The following HNRNPUL1 variants were observed in gnomAD, a reference collection of about 807,000 sequenced individuals.
HNRNPUL1 encodes heterogeneous nuclear ribonucleoprotein U like 1, also known as heterogeneous nuclear ribonucleoprotein U-like protein 1.
Under a neutral mutation model 108.5 loss-of-function variants are expected in HNRNPUL1, and 14 were observed. The ratio of observed to expected loss-of-function variants is 0.13; its 90% CI spans 0.09 to 0.20. The LOEUF is 0.20. Among genes scored for constraint, HNRNPUL1 ranks in the 10% least tolerant of loss-of-function variants. The pLI, the probability that HNRNPUL1 is intolerant of heterozygous loss-of-function variation, is 1.00. For missense variants in HNRNPUL1, 804 were observed against 1,168.3 expected (o/e 0.69, Z 4.55); for synonymous variants, 422 against 445.2 (o/e 0.95, Z 0.66).
intron 13 of HNRNPUL1, 143 bp downstream of exon 13, chr19:41,304,404 C>A (rs911484344): frequency 7.1e-7 from 1 of 1,416,898 alleles, no homozygotes; most frequent in Non-Finnish European, 9.3e-7. Context: ...GCCCTTCTTT[C>A]TCCCTGGCCG....
chr19:41,279,265 G>T (rs939366090), intron 6 of HNRNPUL1, 89 bp downstream of exon 6: 4 of 883,030 alleles, frequency 4.5e-6, no homozygotes, highest in Non-Finnish European at 7.4e-6. Flanking sequence ...CTTTTCCAGC[G>T]TCAGACTTAG....
chr19:41,264,582 G>T lies in HNRNPUL1; in HGVS notation c.79G>T (p.Ala27Ser). Residue 27 changes from alanine (A) to serine (S), a missense_variant, in exon 1 of 15, where the codon GCC becomes TCC. Transcript: ENST00000392006. ...CGGCCTGGACACTCGAGGCCTCAAG[G>T]CCGAGCTTGCTGAGCGGCTGCAGGC... Reference protein sequence around the residue: ...RRGLDTRGLKAELAERLQAAL... With the variant: ...RRGLDTRGLKSELAERLQAAL... 1.3e-6 allele frequency: 2 copies of T among 1,569,838 alleles called. No individual in the cohort carries two copies. The highest frequency in any genetic ancestry group is 2.3e-5 in the South Asian group (2 of 87,086).
chr19:41,267,981 T>C (rs1048738129), intron 1 of HNRNPUL1: 2 of 373,016 alleles, frequency 5.4e-6, no homozygotes, highest in African/African-American at 2.1e-5. Flanking sequence ...CACAATCATA[T>C]TAAATTTTTG....
Position 41,278,814 on chromosome 19 carries a change from C to T in HNRNPUL1, c.787-263C>T, listed in dbSNP as rs7255432. On this transcript the variant is annotated intron_variant, in intron 5 of 14. Transcript: ENST00000392006. ...GACACTGTAACAGTTTATCTTTCTA[C>T]TAGATGTTACAAGAGTCTCTTAAAC... Among the ~76,000 whole-genome samples the T allele has an allele frequency of 6.0e-3, 917 of 152,212 alleles. 7 individuals carry two copies. Among genetic ancestry groups the T allele is most frequent in the Middle Eastern group, 0.017 (5 of 294 alleles).
At chr19:41,268,103 T>C (rs2034966957) in intron 1 of HNRNPUL1, 120 bp from the exon 2 acceptor site, 3 of 931,764 alleles carry the variant, frequency 3.2e-6, no homozygotes, top group Non-Finnish European at 4.8e-6. Flanking sequence ...GAATAGTTAA[T>C]ATTATTATTC....
rs772541324 is a variant in HNRNPUL1, at chr19:41,304,182, C to T, written c.2183C>T (p.Thr728Ile). The part of the protein sequence containing the change: ...SPARNPPGAS[T>I]YNKNSNIPGS... ...GCTCGGAACCCCCCAGGGGCCAGCACCTACAATAAGAACAGCAACATCCCT... is the reference window on the plus strand; with the variant it reads ...GCTCGGAACCCCCCAGGGGCCAGCATCTACAATAAGAACAGCAACATCCCT... Residue 728 changes from threonine (T) to isoleucine (I), a missense_variant, in exon 13 of 15, where the codon ACC becomes ATC. Around this residue, in one of 4 missense-constraint regions of HNRNPUL1, gnomAD observed 294 missense variants for 388.3 expected, o/e 0.76. Transcript: ENST00000392006. 22 of 1,614,042 alleles carry T rather than the reference C, an allele frequency of 1.4e-5. No individual in the cohort carries two copies. The highest frequency in any genetic ancestry group is 1.6e-5 in the Non-Finnish European group (19 of 1,180,030).
chr19:41,273,237 G>T (rs2035347488), intron 3 of HNRNPUL1, among the ~76,000 whole-genome samples: 1 of 152,108 alleles, frequency 6.6e-6, no homozygotes, highest in South Asian at 2.1e-4. Context: ...GTTAGCCCTG[G>T]CCTGGCGAGG....
intron 7 of HNRNPUL1, among the ~76,000 whole-genome samples, chr19:41,282,265 C>G (rs1249659877): frequency 6.6e-6 from 1 of 152,158 alleles, no homozygotes; most frequent in Non-Finnish European, 1.5e-5. Context: ...TCACCACAAT[C>G]TCCGCCTCCT....
chr19:41,268,173 G>T, intron 1 of HNRNPUL1, 50 bp from the exon 2 acceptor site: 2 of 1,600,232 alleles, frequency 1.2e-6, no homozygotes, highest in Non-Finnish European at 1.7e-6. Context: ...TTGGTCCAGG[G>T]TTCTTCATGA....
chr19:41,266,022 A>G (rs989984069), intron 1 of HNRNPUL1, among the ~76,000 whole-genome samples: 1 of 152,168 alleles, frequency 6.6e-6, no homozygotes, highest in Non-Finnish European at 1.5e-5. Flanking sequence ...CTCGGGGAGC[A>G]GCACGGAACT....
intron 7 of HNRNPUL1, among the ~76,000 whole-genome samples, chr19:41,283,121 G>T (rs2036001814): frequency 6.6e-6 from 1 of 152,160 alleles, no homozygotes. Context: ...TAAAATATAA[G>T]TAGGTACTAG....
intron 7 of HNRNPUL1, among the ~76,000 whole-genome samples, chr19:41,289,756 C>T (rs1214845655): frequency 8.3e-5 from 12 of 145,224 alleles, no homozygotes; most frequent in Non-Finnish European, 1.0e-4. Context: ...TGCTGTTGCC[C>T]GGCTGGAGTG....
rs1399166216 is a variant in HNRNPUL1 at position 41,304,110 on chromosome 19, C to T, written c.2111C>T (p.Pro704Leu). 2.5e-6 allele frequency: 4 copies of T among 1,613,370 alleles called. No individual in the cohort carries two copies. The East Asian group carries it at 6.7e-5, about 27-fold the overall frequency. ...QQPPPQQPPP[P>L]QPPPQQPPPP... ...CCGCCACCACAGCAGCCTCCGCCAC[C>T]ACAGCCACCACCCCAGCAGCCACCG... Residue 704 changes from proline (P) to leucine (L), a missense_variant, in exon 13 of 15, where the codon CCA becomes CTA. Transcript: ENST00000392006.
intron 14 of HNRNPUL1, 83 bp from the exon 15 acceptor site, chr19:41,306,365 GC>G: frequency 1.2e-6 from 1 of 850,896 alleles, no homozygotes. Flanking sequence ...AGCTGTCTCT[GC>G]CCTAGGTGAG....
Position 41,264,963 on chromosome 19 carries a change from C to T in HNRNPUL1, c.295+165C>T, listed in dbSNP as rs1162212601. ...CTGGGGACCAGGGCCCCAGCACGAC[C>T]GGAGGGTGGATCCTGACACTCAGTG... On this transcript the variant is annotated intron_variant, in intron 1 of 14. Coordinates refer to ENST00000392006, the MANE Select transcript of HNRNPUL1 (RefSeq NM_007040.6). The T allele has an allele frequency of 4.7e-6, 6 of 1,269,812 alleles. No homozygotes were observed. In the African/African-American group the frequency reaches 6.6e-5, roughly 14 times the overall value. 78.7% of individuals were successfully genotyped at this position (1,269,812 alleles called of 1,614,324 possible).
chr19:41,264,400 G>A lies in HNRNPUL1; in HGVS notation c.-104G>A, dbSNP rs1179159396. On this transcript the variant is annotated 5_prime_UTR_variant, in exon 1 of 15. Transcript: ENST00000392006. ...TTGAGCCGCTGCCGCCATTGGAGTG[G>A]GCCCCCCCCCTTTCCCCCTTCGCCT... The A allele has an allele frequency of 9.7e-7, 1 of 1,026,922 alleles. No homozygotes were observed. The highest frequency in any genetic ancestry group is 3.5e-4 in the Middle Eastern group (1 of 2,872). The allele number at this position is 1,026,922 out of a possible 1,614,324, so 63.6% of individuals were successfully genotyped here. A position where few individuals can be genotyped will look rare whatever the true frequency, so the allele number is the denominator to read the frequency against.
At chr19:41,283,367 G>A (rs1343099682) in intron 7 of HNRNPUL1, among the ~76,000 whole-genome samples, 1 of 152,162 alleles carries the variant, frequency 6.6e-6, no homozygotes, top group Non-Finnish European at 1.5e-5. Flanking sequence ...TGCAACCTCC[G>A]CCTCCGGGGT....
At chr19:41,277,667 C>T (rs1403166129) in intron 5 of HNRNPUL1, among the ~76,000 whole-genome samples, 2 of 151,932 alleles carry the variant, frequency 1.3e-5, no homozygotes, top group African/African-American at 2.4e-5. Flanking sequence ...CCACCCTGCC[C>T]GGCTAATTTT....
chr19:41,284,583 C>T (rs896609825), intron 7 of HNRNPUL1, among the ~76,000 whole-genome samples: 1 of 151,942 alleles, frequency 6.6e-6, no homozygotes, highest in Admixed American at 6.6e-5. Context: ...CGCTTGAGCC[C>T]AGGAGGCTGC....
Sources: gnomAD v4.1 joint callset for allele counts (sites outside exome capture counted in the v4.1 genomes callset) on GRCh38, gnomAD v4.1.1 for gene constraint, gnomAD v4.1.1 regional missense constraint, MANE v1.5 for transcripts, NCBI Gene and HGNC (gene_info 2026-07-23, HGNC 2026-07-21) for gene names.